The following PDE1C variants were observed in gnomAD, a reference collection of about 807,000 sequenced individuals.
PDE1C encodes the protein dual specificity calcium/calmodulin-dependent 3',5'-cyclic nucleotide phosphodiesterase 1C.
Under a neutral mutation model 93.1 loss-of-function variants are expected in PDE1C, and 62 were observed. The observed-to-expected ratio is 0.67, with a 90% CI of 0.54 to 0.82. The LOEUF (loss-of-function observed/expected upper bound fraction) is 0.82. PDE1C is among the 40% of genes least tolerant of loss of function. The probability of loss-of-function intolerance (pLI) is 0.00; values close to 1 mark genes in which losing one functional copy is unlikely to be tolerated. For missense variants in PDE1C, 742 were observed against 884.6 expected, an observed-to-expected ratio of 0.84 and a Z score of 2.04; for synonymous variants, 325 against 310.1, an observed-to-expected ratio of 1.05 and a Z score of -0.50.
intron 14 of PDE1C, 38 bp downstream of exon 14, chr7:31,823,035 T>G: frequency 6.6e-7 from 1 of 1,521,426 alleles, no homozygotes; most frequent in South Asian, 1.3e-5. Context: ...AACCTTGTTT[T>G]ATGCTGAATT....
chr7:31,922,118 G>C (rs115475005), intron 2 of PDE1C, among the ~76,000 whole-genome samples: 1 of 152,030 alleles, frequency 6.6e-6, no homozygotes, highest in Admixed American at 6.6e-5. Context: ...TGAAATTCAC[G>C]GCATGAAGAA....
At chr7:32,312,124 G>A (rs1447923729) in intron 1 of PDE1C, among the ~76,000 whole-genome samples, 28 of 151,892 alleles carry the variant, frequency 1.8e-4, no homozygotes, top group Admixed American at 1.8e-3. Context: ...GACAAACAGA[G>A]AGCCAAATCA....
chr7:31,695,320 G>A, the PDE1C span: 1 of 570,276 alleles, frequency 1.8e-6, no homozygotes, highest in Admixed American at 3.8e-5. Flanking sequence ...AAAGTCCTTT[G>A]TGGAATAGGC....
At chr7:31,970,822 T>C (rs1188453699) in intron 2 of PDE1C, among the ~76,000 whole-genome samples, 1 of 152,174 alleles carries the variant, frequency 6.6e-6, no homozygotes, top group Admixed American at 6.5e-5. Context: ...ATGTTTGTTT[T>C]CCATGTTGAT....
the PDE1C span, chr7:31,651,054 C>A: frequency 6.8e-7 from 1 of 1,461,874 alleles, no homozygotes. Context: ...AAAAAGGGAT[C>A]CCAAATGGGA....
At chr7:32,423,792 C>A (rs1419895725) in intron 1 of PDE1C, among the ~76,000 whole-genome samples, 1 of 152,144 alleles carries the variant, frequency 6.6e-6, no homozygotes, top group African/African-American at 2.4e-5. Context: ...ACTTTGAAAT[C>A]AGCACTTGAC....
intron 3 of PDE1C, among the ~76,000 whole-genome samples, chr7:32,147,141 G>GCTGAC (rs1487666148): frequency 6.6e-6 from 1 of 151,016 alleles, no homozygotes; most frequent in Non-Finnish European, 1.5e-5. Flanking sequence ...ATCAGCATAC[G>GCTGAC]CTGACATGGA....
chr7:31,707,477 T>G, the PDE1C span: 1 of 555,360 alleles, frequency 1.8e-6, no homozygotes, highest in Non-Finnish European at 3.2e-6. Context: ...TGAGTATGGT[T>G]TCTATTCTGT....
intron 1 of PDE1C, among the ~76,000 whole-genome samples, chr7:32,395,104 T>G (rs1784818216): frequency 6.6e-6 from 1 of 152,182 alleles, no homozygotes; most frequent in Non-Finnish European, 1.5e-5. Context: ...ATGGAAAAGG[T>G]GAGAAATCTG....
At chr7:32,120,157 A>G (rs566973502) in intron 3 of PDE1C, among the ~76,000 whole-genome samples, 1 of 152,148 alleles carries the variant, frequency 6.6e-6, no homozygotes, top group East Asian at 1.9e-4. Context: ...CCTGACCCTG[A>G]CTCATCCTTC....
rs544816693 is a variant in PDE1C at position 31,847,813 on chromosome 7, C to T, written c.980+155G>A. ...AAGAGAAATAAGACATACATACATACACAAAGAGAGGGTGAGAGTGAGAGA... is the reference window on the plus strand; with the variant it reads ...AAGAGAAATAAGACATACATACATATACAAAGAGAGGGTGAGAGTGAGAGA... On this transcript the variant is annotated intron_variant, in intron 9 of 17. Coordinates refer to ENST00000396191, the MANE Select transcript of PDE1C (RefSeq NM_001191057.4). 32 of 746,494 alleles carry T rather than the reference C, an allele frequency of 4.3e-5. No individual in the cohort carries two copies. The South Asian group carries it at 4.7e-4, about 11-fold the overall frequency. 46.2% of individuals were successfully genotyped at this position (746,494 alleles called of 1,614,324 possible). A position where few individuals can be genotyped will look rare whatever the true frequency, so the allele number is the denominator to read the frequency against.
At chr7:31,866,797 G>T (rs976205119) in intron 6 of PDE1C, among the ~76,000 whole-genome samples, 1 of 152,082 alleles carries the variant, frequency 6.6e-6, no homozygotes, top group African/African-American at 2.4e-5. Flanking sequence ...TCTCTCCAGC[G>T]AAAAGAAAGG....
chr7:31,871,200 A>G (rs1288906664), intron 6 of PDE1C, among the ~76,000 whole-genome samples: 1 of 151,922 alleles, frequency 6.6e-6, no homozygotes, highest in Admixed American at 6.6e-5. Context: ...CTAGACATCC[A>G]TCTCTCATCA....
rs1478277785 is a variant in PDE1C at position 31,857,836 on chromosome 7, G to T, written c.751-7095C>A. 2.0e-5 allele frequency among the ~76,000 whole-genome samples: 3 copies of T among 152,290 alleles called. No homozygotes were observed. In the East Asian group the frequency reaches 5.8e-4, roughly 29 times the overall value. ...TCTGTTTTTAAAAAGACTTTTAAAG[G>T]AAGTTTTCAAAACGTGTAGGTACAT... On this transcript the variant is annotated intron_variant, in intron 7 of 17. Coordinates refer to ENST00000396191, the MANE Select transcript of PDE1C (RefSeq NM_001191057.4).
the PDE1C span, among the ~76,000 whole-genome samples, chr7:31,732,132 A>G: frequency 6.6e-6 from 1 of 152,114 alleles, no homozygotes; most frequent in Non-Finnish European, 1.5e-5. Context: ...TTAGTACTTC[A>G]TTTTCCTGAG....
At chr7:31,860,289 G>A (rs924377019) in intron 7 of PDE1C, among the ~76,000 whole-genome samples, 6 of 152,098 alleles carry the variant, frequency 3.9e-5, no homozygotes, top group Non-Finnish European at 5.9e-5. Flanking sequence ...GGCATCTCGT[G>A]ACTACAGGTC....
the PDE1C span, among the ~76,000 whole-genome samples, chr7:31,681,366 T>TGGAC: frequency 1.7e-5 from 2 of 115,718 alleles, no homozygotes; most frequent in African/African-American, 7.1e-5. Context: ...GATGGATGGA[T>TGGAC]GGACGGATGG....
intron 1 of PDE1C, among the ~76,000 whole-genome samples, chr7:32,054,902 C>T (rs1226280879): frequency 6.6e-6 from 1 of 152,164 alleles, no homozygotes; most frequent in African/African-American, 2.4e-5. Flanking sequence ...ATTGGTGAGG[C>T]CTGACTGAGC....
chr7:31,735,398 CAAAAAAAAAAAAA>C, the PDE1C span, among the ~76,000 whole-genome samples: 40,440 of 142,622 alleles, frequency 0.28, 6,747 homozygotes, highest in African/African-American at 0.47. Context: ...AACTCTGTCT[CAAAAAAAAAAAAA>C]AAAAAAAAAA....
Sources: gnomAD v4.1 joint callset for allele counts (sites outside exome capture counted in the v4.1 genomes callset) on GRCh38, gnomAD v4.1.1 for gene constraint, MANE v1.5 for transcripts, NCBI Gene and HGNC (gene_info 2026-07-23, HGNC 2026-07-21) for gene names.